Variants in C17orf67 observed in about 807,000 individuals in gnomAD.
C17orf67 encodes uncharacterized protein C17orf67.
Under a neutral mutation model 11.2 loss-of-function variants are expected in C17orf67, and 12 were observed. The ratio of observed to expected loss-of-function variants is 1.07; its 90% CI spans 0.68 to 1.73. The LOEUF (loss-of-function observed/expected upper bound fraction) is 1.73. Ranked by LOEUF, C17orf67 falls within the 40% of genes most tolerant of loss-of-function variation. C17orf67 has a pLI of 0.00. For synonymous variants in C17orf67, 59 were observed against 46.9 expected, an observed-to-expected ratio of 1.26 and a Z score of -1.05; for missense variants, 115 against 113.5, an observed-to-expected ratio of 1.01 and a Z score of -0.06.
intron 7 of C17orf67, among the ~76,000 whole-genome samples, chr17:56,793,966 G>A (rs1333098557): frequency 1.3e-5 from 2 of 152,152 alleles, no homozygotes; most frequent in Non-Finnish European, 2.9e-5. Context: ...CATTATCTGT[G>A]AAAGCTCCCT....
chr17:56,808,027 C>T (rs1905499059), intron 6 of C17orf67, among the ~76,000 whole-genome samples: 1 of 152,142 alleles, frequency 6.6e-6, no homozygotes, highest in Non-Finnish European at 1.5e-5. Flanking sequence ...GGAGAGGGTT[C>T]ATCCCATTCC....
chr17:56,812,630 G>A (rs182270), intron 6 of C17orf67, among the ~76,000 whole-genome samples: 1 of 152,170 alleles, frequency 6.6e-6, no homozygotes, highest in Non-Finnish European at 1.5e-5. Flanking sequence ...GAGGCAAGAA[G>A]GAGTTACATG....
intron 6 of C17orf67, among the ~76,000 whole-genome samples, chr17:56,813,256 T>C (rs1905675250): frequency 6.7e-6 from 1 of 149,656 alleles, no homozygotes; most frequent in African/African-American, 2.5e-5. Context: ...CCTCCAGGCA[T>C]CCTCCTCCCC....
intron 2 of C17orf67, among the ~76,000 whole-genome samples, chr17:56,831,879 G>A (rs1005923556): frequency 1.3e-5 from 2 of 152,150 alleles, no homozygotes; most frequent in African/African-American, 2.4e-5. Flanking sequence ...TATGAAATCT[G>A]CAGACTTCAG....
At chr17:56,826,350 T>C (rs1030076853) in intron 2 of C17orf67, among the ~76,000 whole-genome samples, 3 of 152,202 alleles carry the variant, frequency 2.0e-5, no homozygotes, top group African/African-American at 7.2e-5. Flanking sequence ...ACAATGACAC[T>C]TTCACACACT....
intron 2 of C17orf67, among the ~76,000 whole-genome samples, chr17:56,830,862 T>G (rs1464366798): frequency 6.6e-6 from 1 of 152,188 alleles, no homozygotes; most frequent in African/African-American, 2.4e-5. Flanking sequence ...GCAAGGCCTC[T>G]GTCGGGAGGG....
chr17:56,813,027 C>G (rs1597994221), intron 6 of C17orf67, among the ~76,000 whole-genome samples: 1 of 152,168 alleles, frequency 6.6e-6, no homozygotes, highest in Non-Finnish European at 1.5e-5. Context: ...GATGCTGGCA[C>G]AGAAAATGTC....
intron 6 of C17orf67, 140 bp downstream of exon 6, chr17:56,814,729 T>G: frequency 2.4e-5 from 19 of 792,066 alleles, no homozygotes; most frequent in Non-Finnish European, 3.9e-5. Flanking sequence ...GGTAAAAGAT[T>G]GAGATTGCAG....
chr17:56,829,509 C>T (rs1906134638), intron 2 of C17orf67, among the ~76,000 whole-genome samples: 1 of 152,156 alleles, frequency 6.6e-6, no homozygotes, highest in South Asian at 2.1e-4. Context: ...TGCTCCCTTC[C>T]CCAGGAGGGC....
chr17:56,827,408 G>C (rs926449578), intron 2 of C17orf67, among the ~76,000 whole-genome samples: 1 of 152,242 alleles, frequency 6.6e-6, no homozygotes, highest in Non-Finnish European at 1.5e-5. Flanking sequence ...GCAGAGCCCT[G>C]TGGCAGCACC....
At chr17:56,793,680 T>C (rs1905158955) in intron 7 of C17orf67, among the ~76,000 whole-genome samples, 1 of 152,176 alleles carries the variant, frequency 6.6e-6, no homozygotes. Context: ...AATCAGAAAG[T>C]CAAACTCAGC....
At chr17:56,830,815 T>G (rs147891912) in intron 2 of C17orf67, among the ~76,000 whole-genome samples, 5 of 152,320 alleles carry the variant, frequency 3.3e-5, no homozygotes, top group Non-Finnish European at 7.3e-5. Context: ...CAGACTGGAT[T>G]TACATAAATG....
Position 56,805,146 on chromosome 17 carries a change from G to A in C17orf67, c.156+9723C>T, listed in dbSNP as rs574900709. Among the ~76,000 whole-genome samples, 23 of 152,240 alleles carry A rather than the reference G, an allele frequency of 1.5e-4. No individual in the cohort carries two copies. The South Asian group carries it at 4.1e-3, about 27-fold the overall frequency. ...AAAGAGTCAAAAATAGCAACCTTGCGCTGCAATTGCTATGCTAGCGGGACG... is the reference window on the plus strand; with the variant it reads ...AAAGAGTCAAAAATAGCAACCTTGCACTGCAATTGCTATGCTAGCGGGACG... On this transcript the variant is annotated intron_variant, in intron 6 of 7. Transcript: ENST00000397861.
chr17:56,797,603 G>A (rs970979938), intron 6 of C17orf67, among the ~76,000 whole-genome samples: 2 of 152,272 alleles, frequency 1.3e-5, no homozygotes, highest in Admixed American at 6.5e-5. Context: ...TGGCAGGTGT[G>A]CTACCACCAG....
At chr17:56,821,705 CAT>C (rs910514657) in intron 4 of C17orf67, among the ~76,000 whole-genome samples, 5 of 152,218 alleles carry the variant, frequency 3.3e-5, no homozygotes, top group Non-Finnish European at 1.5e-5. Flanking sequence ...ACTGTGCAGA[CAT>C]ATGTTAGGTC....
At chr17:56,823,869 T>C (rs559996469) in intron 4 of C17orf67, among the ~76,000 whole-genome samples, 80 of 152,066 alleles carry the variant, frequency 5.3e-4, no homozygotes, top group Non-Finnish European at 1.1e-3. Context: ...AATGGAATAT[T>C]ATTCAGCACT....
At chr17:56,829,523 G>C (rs937385803) in intron 2 of C17orf67, among the ~76,000 whole-genome samples, 11 of 152,256 alleles carry the variant, frequency 7.2e-5, no homozygotes, top group African/African-American at 2.6e-4. Flanking sequence ...GGAGGGCTTG[G>C]GTCTTAGGGC....
chr17:56,815,750 G>A lies in C17orf67; in HGVS notation c.55+6C>T. ...GAAATAGGCTGTTTTTGGAGTCAGT[G>A]CCCACCTGAGAAGACAGTCAGTAAG... On this transcript the variant is annotated splice_donor_region_variant and intron_variant, in intron 5 of 7. Transcript: ENST00000397861. The A allele has an allele frequency of 6.2e-7, 1 of 1,605,948 alleles. No homozygotes were observed. Among genetic ancestry groups the A allele is most frequent in the Non-Finnish European group, 8.5e-7 (1 of 1,174,392 alleles).
chr17:56,803,691 C>T (rs1287855215), intron 6 of C17orf67: 5 of 152,196 alleles, frequency 3.3e-5, no homozygotes, highest in African/African-American at 1.2e-4. Flanking sequence ...CTGTGTCAGT[C>T]TGCTCATTAT....
Sources: allele counts gnomAD v4.1 joint callset (sites outside exome capture counted in the v4.1 genomes callset), GRCh38; gene constraint gnomAD v4.1.1; transcripts MANE v1.5; gene names NCBI Gene and HGNC (gene_info 2026-07-23, HGNC 2026-07-21).